The following CHRM2 variants were observed in gnomAD, a reference collection of about 807,000 sequenced individuals.
CHRM2 encodes the protein muscarinic acetylcholine receptor M2.
CHRM2 carries 8 observed loss-of-function variants against 25.0 expected under a neutral mutation model. The observed-to-expected ratio is 0.32, with a 90% CI of 0.19 to 0.58. CHRM2 has a LOEUF of 0.58. Ranked by LOEUF, CHRM2 falls within the 20% of genes least tolerant of loss-of-function variation. The pLI is 0.88. For missense variants in CHRM2, 440 were observed against 567.1 expected (o/e 0.78, Z 2.28); for synonymous variants, 202 against 205.7 (o/e 0.98, Z 0.15).
chr7:136,916,179 T>C (rs1353687459), intron 2 of CHRM2, among the ~76,000 whole-genome samples: 1 of 151,866 alleles, frequency 6.6e-6, no homozygotes, highest in Non-Finnish European at 1.5e-5. Context: ...ACTCTTATTA[T>C]TGGGAGTGAT....
At chr7:136,963,036 A>G (rs1422367772) in intron 2 of CHRM2, among the ~76,000 whole-genome samples, 1 of 152,242 alleles carries the variant, frequency 6.6e-6, no homozygotes, top group East Asian at 1.9e-4. Context: ...AAAAAAGAAT[A>G]CAAATCAAAT....
chr7:137,009,994 C>T (rs117164380), intron 3 of CHRM2, among the ~76,000 whole-genome samples: 2,401 of 152,044 alleles, frequency 0.016, 27 homozygotes, highest in Middle Eastern at 0.037. Flanking sequence ...TCTATACTCA[C>T]TTGTCAAATT....
chr7:136,904,801 T>C lies in CHRM2; in HGVS notation c.-125+35383T>C, dbSNP rs75711801. ...CATTAAGGGAGCACAGGCTTGCTGC[T>C]TTTCAGTCTTTTGGCTAAGACCAGG... is the stretch of plus-strand genomic sequence containing the variant. On this transcript the variant is annotated intron_variant, in intron 2 of 3. Coordinates refer to ENST00000680005, the MANE Select transcript of CHRM2 (RefSeq NM_001006630.2). 1.4e-3 allele frequency among the ~76,000 whole-genome samples: 210 copies of C among 152,096 alleles called. 1 individual carries two copies. In the East Asian group the frequency reaches 0.029, roughly 21 times the overall value.
intron 2 of CHRM2, among the ~76,000 whole-genome samples, chr7:136,937,804 C>T (rs989324132): frequency 2.0e-5 from 3 of 152,080 alleles, no homozygotes; most frequent in Admixed American, 6.5e-5. Context: ...CTTTTGACAC[C>T]GAACGTGACC....
chr7:137,011,668 A>T (rs903589128), intron 3 of CHRM2, among the ~76,000 whole-genome samples: 5 of 152,058 alleles, frequency 3.3e-5, no homozygotes, highest in African/African-American at 1.2e-4. Flanking sequence ...TCAGGTTTCT[A>T]GGTATTCCTT....
chr7:136,895,181 T>C (rs1321637683), intron 2 of CHRM2, among the ~76,000 whole-genome samples: 2 of 152,230 alleles, frequency 1.3e-5, no homozygotes, highest in Non-Finnish European at 2.9e-5. Context: ...TTAGTCTTTC[T>C]TTAATCTGTG....
chr7:136,882,761 T>G (rs1420545230), intron 2 of CHRM2, among the ~76,000 whole-genome samples: 2 of 152,122 alleles, frequency 1.3e-5, no homozygotes, highest in East Asian at 3.8e-4. Context: ...CTTATAGGTA[T>G]ATAGTAATAT....
chr7:136,883,052 C>T (rs1796326328), intron 2 of CHRM2, among the ~76,000 whole-genome samples: 1 of 152,144 alleles, frequency 6.6e-6, no homozygotes. Flanking sequence ...TAGCCTTAGC[C>T]TTACTCAAAA....
chr7:136,876,533 C>G (rs1365611810), intron 2 of CHRM2, among the ~76,000 whole-genome samples: 1 of 152,108 alleles, frequency 6.6e-6, no homozygotes, highest in African/African-American at 2.4e-5. Context: ...TAGATACCCA[C>G]AGTACCCCTC....
rs143596709 is a variant in CHRM2, at chr7:137,011,815, T to G, written c.-46-3005T>G. On this transcript the variant is annotated intron_variant, in intron 3 of 3. Transcript: ENST00000680005. ...AAGGTGATGGTTCCACCTAACATGA[T>G]GCAGGCCAATGTGATGAGACCATCC... is the stretch of plus-strand genomic sequence containing the variant. 1.4e-3 allele frequency among the ~76,000 whole-genome samples: 206 copies of G among 152,208 alleles called. 2 individuals carry two copies. The highest frequency in any genetic ancestry group is 4.7e-3 in the African/African-American group (194 of 41,570).
chr7:136,985,220 G>A lies in CHRM2; in HGVS notation c.-124-6967G>A, dbSNP rs553918962. ...GCTACTAGGATTTTAAAGATTACTC[G>A]AGTTAATTTTAAAAACCACCTTGGC... On this transcript the variant is annotated intron_variant, in intron 2 of 3. Transcript: ENST00000680005. 5.9e-5 allele frequency among the ~76,000 whole-genome samples: 9 copies of A among 152,132 alleles called. No homozygotes were observed. In the South Asian group the frequency reaches 1.2e-3, roughly 21 times the overall value.
intron 2 of CHRM2, among the ~76,000 whole-genome samples, chr7:136,900,934 C>G (rs1170515594): frequency 1.3e-5 from 2 of 151,866 alleles, no homozygotes; most frequent in Admixed American, 6.6e-5. Flanking sequence ...AGCTACACAC[C>G]TCTATTCATA....
At chr7:136,949,953 G>C (rs1486875382) in intron 2 of CHRM2, among the ~76,000 whole-genome samples, 2 of 152,032 alleles carry the variant, frequency 1.3e-5, no homozygotes, top group Non-Finnish European at 2.9e-5. Context: ...GTTTTCCACA[G>C]GGGAAAATTT....
intron 2 of CHRM2, among the ~76,000 whole-genome samples, chr7:136,952,297 T>C (rs1430224277): frequency 1.3e-5 from 2 of 152,248 alleles, no homozygotes; most frequent in African/African-American, 4.8e-5. Context: ...TTAAAAGCAG[T>C]ATTTTAATTT....
At chr7:136,992,312 CA>C (rs2131022956) in intron 3 of CHRM2, 48 bp downstream of exon 3, 1 of 152,104 alleles carries the variant, frequency 6.6e-6, no homozygotes, top group Non-Finnish European at 1.5e-5. Context: ...CATTTATAGA[CA>C]AAACATTAAG....
At chr7:136,958,901 T>C (rs1171820638) in intron 2 of CHRM2, among the ~76,000 whole-genome samples, 2 of 152,350 alleles carry the variant, frequency 1.3e-5, no homozygotes, top group African/African-American at 2.4e-5. Flanking sequence ...ACCTCTTCAG[T>C]TGACAGTAAT....
At chr7:137,000,213 T>A (rs1343269258) in intron 3 of CHRM2, among the ~76,000 whole-genome samples, 23 of 142,684 alleles carry the variant, frequency 1.6e-4, no homozygotes, top group African/African-American at 6.0e-4. Flanking sequence ...TTTTTTTTTT[T>A]TTTCGGACAG....
chr7:137,011,206 T>TGG (rs1360622617), intron 3 of CHRM2, among the ~76,000 whole-genome samples: 3 of 134,586 alleles, frequency 2.2e-5, no homozygotes, highest in African/African-American at 1.0e-4. Context: ...TGTGTGTGTG[T>TGG]GTGTGTGTGT....
At chr7:136,935,366 G>T (rs957842980) in intron 2 of CHRM2, among the ~76,000 whole-genome samples, 1 of 152,098 alleles carries the variant, frequency 6.6e-6, no homozygotes, top group African/African-American at 2.4e-5. Flanking sequence ...CCAGAATTTG[G>T]GTGAGTACAC....
Sources: gnomAD v4.1 joint callset for allele counts (sites outside exome capture counted in the v4.1 genomes callset) on GRCh38, gnomAD v4.1.1 for gene constraint, MANE v1.5 for transcripts, NCBI Gene and HGNC (gene_info 2026-07-23, HGNC 2026-07-21) for gene names.